The following ADGB variants were observed in gnomAD, a reference collection of about 807,000 sequenced individuals.
ADGB encodes the protein calpain-7-like protein.
In ADGB, 172 loss-of-function variants were observed where a neutral mutation model predicts 210.5. That is an observed-to-expected ratio of 0.82 (90% confidence interval 0.72 to 0.93). The LOEUF is 0.93. Among genes scored for constraint, ADGB ranks in the 40% least tolerant of loss-of-function variants. ADGB has a pLI of 0.00. For missense variants in ADGB, 2,025 were observed against 1,964.8 expected, an observed-to-expected ratio of 1.03 and a Z score of -0.58; for synonymous variants, 658 against 662.7, an observed-to-expected ratio of 0.99 and a Z score of 0.11.
intron 21 of ADGB, among the ~76,000 whole-genome samples, chr6:146,733,688 A>G (rs1777037646): frequency 6.6e-6 from 1 of 152,138 alleles, no homozygotes; most frequent in Non-Finnish European, 1.5e-5. Context: ...TAGTTCACCA[A>G]TATGTCCCTA....
intron 1 of ADGB, among the ~76,000 whole-genome samples, chr6:146,599,924 A>AT (rs1451224477): frequency 1.1e-4 from 16 of 152,240 alleles, no homozygotes; most frequent in African/African-American, 3.6e-4. Context: ...GCTCTGCCTG[A>AT]TGGGGAGGGC....
At chr6:146,791,692 GGTTTTCCAAACACCGTTTATT>G (rs1777958766) in intron 33 of ADGB, among the ~76,000 whole-genome samples, 1 of 151,956 alleles carries the variant, frequency 6.6e-6, no homozygotes, top group Non-Finnish European at 1.5e-5. Context: ...GTGAATATCA[GGTTTTCCAAACACCGTTTATT>G]GAAGAGATTT....
At chr6:146,666,775 C>A in intron 6 of ADGB, 41 bp from the exon 7 acceptor site, 1 of 1,349,650 alleles carries the variant, frequency 7.4e-7, no homozygotes, top group Non-Finnish European at 1.0e-6. Context: ...TATGTGTTTT[C>A]AAATTTTGCT....
intron 9 of ADGB, among the ~76,000 whole-genome samples, chr6:146,680,337 A>G (rs1776141540): frequency 6.6e-6 from 1 of 152,172 alleles, no homozygotes; most frequent in African/African-American, 2.4e-5. Context: ...GTGAATCACT[A>G]CCTGGAGATC....
At position 146,724,345 on chromosome 6, in the gene ADGB, T is replaced by C; in HGVS notation, c.2237+18T>C. 1 of 1,491,998 alleles carries C rather than the reference T, an allele frequency of 6.7e-7. No homozygotes were observed. The highest frequency in any genetic ancestry group is 8.9e-7 in the Non-Finnish European group (1 of 1,121,658). 92.4% of individuals were successfully genotyped at this position (1,491,998 alleles called of 1,614,324 possible). A position where few individuals can be genotyped will look rare whatever the true frequency, so the allele number is the denominator to read the frequency against. ...CCTGTTGGGTATGAAGTGGCTTCAT[T>C]TTTCCCATAATAAAAATTGTTTGAA... On this transcript the variant is annotated intron_variant, in intron 18 of 35. Transcript: ENST00000397944.
chr6:146,616,274 T>G (rs964131735), intron 1 of ADGB, among the ~76,000 whole-genome samples: 2 of 151,574 alleles, frequency 1.3e-5, no homozygotes, highest in African/African-American at 4.8e-5. Flanking sequence ...TTGGGTTTTT[T>G]TTTTTTTGCT....
chr6:146,623,930 A>G (rs1780936491), intron 1 of ADGB, among the ~76,000 whole-genome samples: 1 of 151,976 alleles, frequency 6.6e-6, no homozygotes, highest in Non-Finnish European at 1.5e-5. Flanking sequence ...CTAATTGATC[A>G]TGATGTATTT....
chr6:146,785,069 C>G (rs1777854812), intron 31 of ADGB, among the ~76,000 whole-genome samples: 1 of 152,098 alleles, frequency 6.6e-6, no homozygotes, highest in African/African-American at 2.4e-5. Context: ...TCACATAGCC[C>G]TGGCTTTCTG....
chr6:146,627,886 T>C (rs1322205928), intron 1 of ADGB, among the ~76,000 whole-genome samples: 1 of 152,116 alleles, frequency 6.6e-6, no homozygotes, highest in African/African-American at 2.4e-5. Context: ...CAGGGCCATA[T>C]GTTGTGGTCG....
At chr6:146,811,580 T>C (rs674781) in intron 35 of ADGB, among the ~76,000 whole-genome samples, 109,287 of 151,672 alleles carry the variant, frequency 0.72, 40,533 homozygotes, top group African/African-American at 0.91. Context: ...AGTGATGTAT[T>C]TTTGATCAAT....
chr6:146,807,161 T>C (rs1221123026), intron 35 of ADGB, among the ~76,000 whole-genome samples: 5 of 152,216 alleles, frequency 3.3e-5, no homozygotes, highest in Admixed American at 6.5e-5. Flanking sequence ...AAGTATGTTT[T>C]GACTATTTTT....
intron 26 of ADGB, 68 bp from the exon 27 acceptor site, chr6:146,752,460 CTA>C: frequency 7.2e-7 from 1 of 1,381,628 alleles, no homozygotes; most frequent in South Asian, 1.5e-5. Context: ...TATATCCAAA[CTA>C]TCTCACTTAC....
intron 7 of ADGB, among the ~76,000 whole-genome samples, chr6:146,669,351 G>GA (rs143058957): frequency 0.025 from 3,733 of 151,654 alleles, 130 homozygotes; most frequent in African/African-American, 0.076. Flanking sequence ...TTTTCCTCAG[G>GA]AAAAAAAATC....
intron 13 of ADGB, among the ~76,000 whole-genome samples, chr6:146,705,216 A>G (rs934522508): frequency 6.6e-6 from 1 of 152,048 alleles, no homozygotes; most frequent in Non-Finnish European, 1.5e-5. Context: ...TCTATATATG[A>G]TTGTATTATC....
rs940661291 is a variant in ADGB, at chr6:146,644,593, T to C, written c.238-180T>C. Among the ~76,000 whole-genome samples the C allele has an allele frequency of 1.9e-4, 29 of 152,024 alleles. 1 individual carries two copies. Among genetic ancestry groups the C allele is most frequent in the Middle Eastern group, 3.4e-3 (1 of 294 alleles). On this transcript the variant is annotated intron_variant, in intron 2 of 35. Transcript: ENST00000397944. ...ATGAGTATATGTTAATTATATACAG[T>C]ATTGTTAAATTCAGTATTCTTTAAA...
intron 26 of ADGB, among the ~76,000 whole-genome samples, chr6:146,746,736 C>G (rs1777244875): frequency 6.6e-6 from 1 of 152,078 alleles, no homozygotes; most frequent in Non-Finnish European, 1.5e-5. Flanking sequence ...GCTTTTAAAC[C>G]TTTGATAACG....
intron 17 of ADGB, among the ~76,000 whole-genome samples, 193 bp from the exon 18 acceptor site, chr6:146,723,993 A>G (rs1776858584): frequency 1.3e-5 from 2 of 151,922 alleles, no homozygotes; most frequent in Non-Finnish European, 2.9e-5. Flanking sequence ...AATATTGAAC[A>G]GGGAGGAAGA....
intron 35 of ADGB, among the ~76,000 whole-genome samples, chr6:146,806,567 A>G (rs897856446): frequency 6.6e-6 from 1 of 152,176 alleles, no homozygotes; most frequent in Non-Finnish European, 1.5e-5. Context: ...CCAACATCTC[A>G]ATAAAATTAA....
chr6:146,786,602 C>T (rs1045902114), intron 32 of ADGB, among the ~76,000 whole-genome samples: 1 of 152,150 alleles, frequency 6.6e-6, no homozygotes, highest in African/African-American at 2.4e-5. Flanking sequence ...GTATGTATTA[C>T]TTAGTCTACT....
Sources: gnomAD v4.1 joint callset for allele counts (sites outside exome capture counted in the v4.1 genomes callset) on GRCh38, gnomAD v4.1.1 for gene constraint, MANE v1.5 for transcripts, NCBI Gene and HGNC (gene_info 2026-07-23, HGNC 2026-07-21) for gene names.